SLC37A2: variants seen among roughly 807,000 people sequenced by gnomAD.
The protein encoded by SLC37A2 is glucose-6-phosphate exchanger SLC37A2.
Under a neutral mutation model 70.7 loss-of-function variants are expected in SLC37A2, and 59 were observed. The ratio of observed to expected loss-of-function variants is 0.83; its 90% CI spans 0.68 to 1.04. SLC37A2 has a LOEUF of 1.04. SLC37A2 is among the 50% of genes least tolerant of loss of function. The pLI, the probability that SLC37A2 is intolerant of heterozygous loss-of-function variation, is 0.00. For synonymous variants in SLC37A2, 257 were observed against 262.1 expected (o/e 0.98, Z 0.19); for missense variants, 580 against 658.1 (o/e 0.88, Z 1.30).
In SLC37A2 at chr11:125,080,715, C is replaced by T. The variant is rs760851706; in HGVS notation, c.629C>T (p.Ser210Leu). The change falls in exon 7 of 18, where the codon TCG (serine) becomes TTG (leucine). Residue 210 changes from serine to leucine, a missense_variant. Physicochemically the swap from Ser to Leu is moderately radical, Grantham distance 145. Coordinates refer to ENST00000403796, the MANE Select transcript of SLC37A2 (RefSeq NM_001145290.2). The surrounding 1 kb of genome is among the most constrained non-coding windows in gnomAD (Gnocchi z 4.3). ...TGGGTGAACGGGCAGTGGGGCCTGT[C>T]GTTCATCGTGCCTGGCATCATTACT... ...GIWVNGQWGL[S>L]FIVPGIITAV... 2.2e-5 allele frequency: 35 copies of T among 1,573,534 alleles called. No homozygotes were observed. Among genetic ancestry groups the T allele is most frequent in the East Asian group, 1.2e-4 (5 of 41,218 alleles).
In SLC37A2 at chr11:125,079,675, T is replaced by C. The variant is rs1003984313; in HGVS notation, c.451-9T>C. ...GCCTGTTCCCACCCTCCCTTCTCTC[T>C]CCCTGCAGGTCTGTAATGGACTCGT... is the stretch of plus-strand genomic sequence containing the variant. On this transcript the variant is annotated splice_polypyrimidine_tract_variant and intron_variant, in intron 5 of 17. Transcript: ENST00000403796. 15 of 1,591,574 alleles carry C rather than the reference T, an allele frequency of 9.4e-6. No individual in the cohort carries two copies. The highest frequency in any genetic ancestry group is 1.3e-5 in the Non-Finnish European group (15 of 1,167,862).
Position 125,079,726 on chromosome 11 carries a change from G to A in SLC37A2, c.493G>A (p.Val165Met), listed in dbSNP as rs1949127276. 6.2e-7 allele frequency: 1 copy of A among 1,610,194 alleles called. No homozygotes were observed. The highest frequency in any genetic ancestry group is 1.3e-5 in the African/African-American group (1 of 74,956). Residue 165 changes from valine (V) to methionine (M), a missense_variant, in exon 6 of 18, where the codon GTG becomes ATG. Physicochemically the swap from Val to Met is conservative, Grantham distance 21. Coordinates refer to ENST00000403796, the MANE Select transcript of SLC37A2 (RefSeq NM_001145290.2). ...CCAGACCACAGGCTGGCCCTCTGTG[G>A]TGACCTGTGTTGGCAACTGGTTCGG... ...LVQTTGWPSV[V>M]TCVGNWFGKG...
chr11:125,080,802 C>A lies in SLC37A2; in HGVS notation c.694+22C>A. On this transcript the variant is annotated intron_variant, in intron 7 of 17. Coordinates refer to ENST00000403796, the MANE Select transcript of SLC37A2 (RefSeq NM_001145290.2). The surrounding 1 kb of genome is among the most constrained non-coding windows in gnomAD (Gnocchi z 4.3). ...GAACGTGAGTGGGCCCCTCACTCCCCACAAGTGAGCCTAGAAGTTCTCGGT... is the reference window on the plus strand; with the variant it reads ...GAACGTGAGTGGGCCCCTCACTCCCAACAAGTGAGCCTAGAAGTTCTCGGT... 2.8e-6 allele frequency: 4 copies of A among 1,411,294 alleles called. No homozygotes were observed. The highest frequency in any genetic ancestry group is 3.7e-6 in the Non-Finnish European group (4 of 1,072,134). 87.4% of individuals were successfully genotyped at this position (1,411,294 alleles called of 1,614,324 possible). A position where few individuals can be genotyped will look rare whatever the true frequency, so the allele number is the denominator to read the frequency against.
In SLC37A2 at chr11:125,084,337, G is replaced by T. The variant is rs376182528; in HGVS notation, c.1125+18G>T. 3.2e-5 allele frequency: 51 copies of T among 1,613,546 alleles called. No homozygotes were observed. Among genetic ancestry groups the T allele is most frequent in the Non-Finnish European group, 4.2e-5 (50 of 1,179,550 alleles). ...CCCCCATGGTGCGTATAACCCCGAGGGTGAAGTGCGAATGCATGTGAGCAG... is the reference window on the plus strand; with the variant it reads ...CCCCCATGGTGCGTATAACCCCGAGTGTGAAGTGCGAATGCATGTGAGCAG... On this transcript the variant is annotated intron_variant, in intron 12 of 17. Coordinates refer to ENST00000403796, the MANE Select transcript of SLC37A2 (RefSeq NM_001145290.2).
In SLC37A2 at chr11:125,087,231, T is replaced by C. The variant is rs147274389; in HGVS notation, c.1491-888T>C. The C allele has an allele frequency of 3.8e-3, 583 of 152,428 alleles. 3 individuals carry two copies. The highest frequency in any genetic ancestry group is 0.013 in the African/African-American group (557 of 41,582). 9.4% of individuals were successfully genotyped at this position (152,428 alleles called of 1,614,324 possible). On this transcript the variant is annotated intron_variant, in intron 17 of 17. Coordinates refer to ENST00000403796, the MANE Select transcript of SLC37A2 (RefSeq NM_001145290.2). The stretch of plus-strand genomic sequence containing the variant: ...CCTCGCAGCAGCCTCTCATTGAAGG[T>C]GAGAGACAGAGGCTCAGAGCTCGGG...
At chr11:125,078,319 A>G (rs1049191090) in intron 4 of SLC37A2, among the ~76,000 whole-genome samples, 1 of 152,202 alleles carries the variant, frequency 6.6e-6, no homozygotes, top group Non-Finnish European at 1.5e-5. Context: ...AGACGCATGG[A>G]AGGGTTTTCG....
intron 1 of SLC37A2, 123 bp from the exon 2 acceptor site, chr11:125,076,634 A>G: frequency 1.2e-6 from 1 of 863,132 alleles, no homozygotes; most frequent in South Asian, 1.5e-5. Flanking sequence ...TGCACCAAGA[A>G]GGAAAGAGTT....
Position 125,080,624 on chromosome 11 carries a change from A to C in SLC37A2, c.538A>C (p.Ile180Leu). The C allele has an allele frequency of 6.6e-7, 1 of 1,509,054 alleles. No homozygotes were observed. Among genetic ancestry groups the C allele is most frequent in the Non-Finnish European group, 8.9e-7 (1 of 1,125,036 alleles). 93.5% of individuals were successfully genotyped at this position (1,509,054 alleles called of 1,614,324 possible). Residue 180 changes from isoleucine (I) to leucine (L), a missense_variant, in exon 7 of 18, where the codon ATC becomes CTC. Ile to Leu is a conservative substitution (Grantham distance 5). Transcript: ENST00000403796. This position sits in a 1 kb window ranked among gnomAD's most constrained non-coding sequence, Gnocchi z 4.3. ...NWFGKGKRGFIMGIWNSHTSV... is the reference protein window; with the variant it reads ...NWFGKGKRGFLMGIWNSHTSV... ...CTCCCTCCCTTCCAGGCGGGGGTTCATCATGGGCATCTGGAATTCCCACAC... is the reference window on the plus strand; with the variant it reads ...CTCCCTCCCTTCCAGGCGGGGGTTCCTCATGGGCATCTGGAATTCCCACAC...
rs1949272043 is a variant in SLC37A2, at chr11:125,090,314, C to G, written c.*2180C>G. ...CTAATCTGATGGGGACGTGGAGAAC[C>G]TTTGTATCTAGCTCAGGGATTGTAA... On this transcript the variant is annotated 3_prime_UTR_variant, in exon 18 of 18. Coordinates refer to ENST00000403796, the MANE Select transcript of SLC37A2 (RefSeq NM_001145290.2). 6.6e-6 allele frequency: 1 copy of G among 152,162 alleles called. No homozygotes were observed. The highest frequency in any genetic ancestry group is 6.5e-5 in the Admixed American group (1 of 15,282). The allele number at this position is 152,162 out of a possible 1,614,324, so 9.4% of individuals were successfully genotyped here.
Position 125,080,539 on chromosome 11 carries a change from C to G in SLC37A2, c.528-75C>G, listed in dbSNP as rs114259049. 2.5e-3 allele frequency: 3,280 copies of G among 1,330,874 alleles called. 65 individuals carry two copies. In the African/African-American group the frequency reaches 0.044, roughly 18 times the overall value. The allele number at this position is 1,330,874 out of a possible 1,614,324, so 82.4% of individuals were successfully genotyped here. On this transcript the variant is annotated intron_variant, in intron 6 of 17. Transcript: ENST00000403796. This position sits in a 1 kb window ranked among gnomAD's most constrained non-coding sequence, Gnocchi z 4.3. ...TAGTCAGCCCAGCTTTAGAGCTTGGCTGGGGCAGTTGCTATGAACAATGTG... is the reference window on the plus strand; with the variant it reads ...TAGTCAGCCCAGCTTTAGAGCTTGGGTGGGGCAGTTGCTATGAACAATGTG...
intron 2 of SLC37A2, 80 bp downstream of exon 2, chr11:125,076,918 T>G (rs1591630717): frequency 7.3e-7 from 1 of 1,376,704 alleles, no homozygotes; most frequent in Non-Finnish European, 1.0e-6. Context: ...GCCACCGAGG[T>G]TGCACCTTCA....
chr11:125,083,916 CCT>C lies in SLC37A2; in HGVS notation c.1039+42_1039+43del, dbSNP rs768103543. 4 of 1,600,046 alleles carry C rather than the reference CCT, an allele frequency of 2.5e-6. No homozygotes were observed. In the South Asian group the frequency reaches 4.4e-5, roughly 18 times the overall value. The stretch of plus-strand genomic sequence containing the variant: ...CTGCTCTGCCAGCAGGCTCCCTTCC[CCT>C]CTTTTCTTGTGGGGTGCAGGAAGAA... On this transcript the variant is annotated intron_variant, in intron 11 of 17. Transcript: ENST00000403796. The surrounding 1 kb of genome is among the most constrained non-coding windows in gnomAD (Gnocchi z 4.6).
At chr11:125,077,791 T>A (rs1367610052) in intron 4 of SLC37A2, among the ~76,000 whole-genome samples, 1 of 152,220 alleles carries the variant, frequency 6.6e-6, no homozygotes, top group African/African-American at 2.4e-5. Flanking sequence ...AGTTGGTGGG[T>A]ATGGACTAGG....
At chr11:125,085,841 C>T (rs746968464) in intron 16 of SLC37A2, 113 bp from the exon 17 acceptor site, 13 of 1,254,166 alleles carry the variant, frequency 1.0e-5, no homozygotes, top group Non-Finnish European at 1.5e-5. Context: ...TGCCAAGTGG[C>T]AGCGTGTCTC....
chr11:125,076,838 G>A lies in SLC37A2; in HGVS notation c.141G>A (p.Lys47=). The A allele has an allele frequency of 6.2e-7, 1 of 1,614,102 alleles. No homozygotes were observed. Among genetic ancestry groups the A allele is most frequent in the Non-Finnish European group, 8.5e-7 (1 of 1,180,000 alleles). The change falls in exon 2 of 18, where the codon AAG becomes AAA. Residue 47 remains lysine, a splice_region_variant and synonymous_variant. Coordinates refer to ENST00000403796, the MANE Select transcript of SLC37A2 (RefSeq NM_001145290.2). ...HMSRKPISIV[K]SRLHQNCSEQ... ...CCAGGAAGCCTATCAGTATCGTCAAGGTGAGGCTGGCTGGCAGCAAGGAAG... is the reference window on the plus strand; with the variant it reads ...CCAGGAAGCCTATCAGTATCGTCAAAGTGAGGCTGGCTGGCAGCAAGGAAG...
intron 9 of SLC37A2, 30 bp downstream of exon 9, chr11:125,081,936 A>G (rs1272435874): frequency 1.3e-6 from 2 of 1,572,206 alleles, no homozygotes; most frequent in Admixed American, 1.9e-5. Flanking sequence ...GAGGAAAGAG[A>G]GGGGCTTTCC....
Position 125,083,732 on chromosome 11 carries a change from C to T in SLC37A2, c.977-83C>T, listed in dbSNP as rs146278354. On this transcript the variant is annotated intron_variant, in intron 10 of 17. Coordinates refer to ENST00000403796, the MANE Select transcript of SLC37A2 (RefSeq NM_001145290.2). The surrounding 1 kb of genome is among the most constrained non-coding windows in gnomAD (Gnocchi z 4.6). ...GAAAAGGGGGCAGTGGTCTGGATCA[C>T]GCTCTGCAGGGCTTCTAGCTGTGAC... The T allele has an allele frequency of 5.8e-5, 73 of 1,267,834 alleles. No individual in the cohort carries two copies. Among genetic ancestry groups the T allele is most frequent in the Non-Finnish European group, 6.7e-5 (58 of 866,172 alleles). 78.5% of individuals were successfully genotyped at this position (1,267,834 alleles called of 1,614,324 possible).
intron 1 of SLC37A2, among the ~76,000 whole-genome samples, chr11:125,072,714 A>G (rs1408121534): frequency 6.6e-6 from 1 of 152,228 alleles, no homozygotes; most frequent in Admixed American, 6.5e-5. Flanking sequence ...TGAGCTTGGC[A>G]GTCTTGGCCT....
intron 10 of SLC37A2, 26 bp downstream of exon 10, chr11:125,082,360 G>A (rs1395627841): frequency 3.7e-6 from 6 of 1,609,586 alleles, no homozygotes; most frequent in Non-Finnish European, 1.7e-6. Context: ...GGGGAATGAA[G>A]GGGTCTCTGA....
Sources: allele counts gnomAD v4.1 joint callset (sites outside exome capture counted in the v4.1 genomes callset), GRCh38; gene constraint gnomAD v4.1.1; non-coding constraint Gnocchi (gnomAD v3.1); transcripts MANE v1.5; gene names NCBI Gene and HGNC (gene_info 2026-07-23, HGNC 2026-07-21).